Variants in OPHN1 observed in about 807,000 individuals in gnomAD.
OPHN1 encodes oligophrenin-1.
A neutral mutation model predicts 60.7 loss-of-function variants in OPHN1; 11 were observed. The observed-to-expected ratio is 0.18, with a 90% CI of 0.11 to 0.30. The LOEUF is 0.30. Ranked by LOEUF, OPHN1 falls within the 10% of genes least tolerant of loss-of-function variation. The pLI is 1.00. For missense variants in OPHN1, 449 were observed against 611.0 expected, an observed-to-expected ratio of 0.73 and a Z score of 2.80; for synonymous variants, 226 against 222.6, an observed-to-expected ratio of 1.02 and a Z score of -0.14.
Position 68,045,622 on chromosome X carries a change from A to G in OPHN1, c.*1550T>C, listed in dbSNP as rs989339248. On this transcript the variant is annotated 3_prime_UTR_variant, in exon 25 of 25. Coordinates refer to ENST00000355520, the MANE Select transcript of OPHN1 (RefSeq NM_002547.3). Reference sequence around the variant, plus strand: ...GGCATCTGCATAGAAACAAGTACTGATGCTCTTTCCAGCAACTTCCCTTCA... The same window carrying G: ...GGCATCTGCATAGAAACAAGTACTGGTGCTCTTTCCAGCAACTTCCCTTCA... 5 of 112,072 alleles carry G rather than the reference A, an allele frequency of 4.5e-5. No homozygotes were observed. In the Admixed American group the frequency reaches 4.7e-4, roughly 11 times the overall value. The allele number at this position is 112,072 out of a possible 1,213,427, so 9.2% of individuals were successfully genotyped here.
intron 2 of OPHN1, among the ~76,000 whole-genome samples, chrX:68,317,368 AAAGAAAGAAAGGAAGG>A (rs1427521556): frequency 7.4e-5 from 5 of 67,257 alleles, no homozygotes; most frequent in South Asian, 1.5e-3. Flanking sequence ...AGAAAGAAAG[AAAGAAAGAAAGGAAGG>A]AAGGAAGGAA....
chrX:68,233,126 C>T (rs1211310020), intron 6 of OPHN1, among the ~76,000 whole-genome samples: 3 of 111,224 alleles, frequency 2.7e-5, no homozygotes, highest in Admixed American at 1.9e-4. Flanking sequence ...TGGGGTTTTG[C>T]CATGTTGGCC....
intron 2 of OPHN1, among the ~76,000 whole-genome samples, chrX:68,319,512 G>T (rs1463461650): frequency 2.7e-5 from 3 of 111,015 alleles, no homozygotes; most frequent in African/African-American, 9.8e-5. Context: ...GAGGCAGGTG[G>T]ATCACTTGAG....
At chrX:68,218,560 A>C (rs1360171474) in intron 6 of OPHN1, among the ~76,000 whole-genome samples, 6 of 110,979 alleles carry the variant, frequency 5.4e-5, no homozygotes, top group African/African-American at 2.0e-4. Flanking sequence ...AGGGAAGCCC[A>C]TCAGACTAAC....
chrX:68,135,271 G>C (rs1411548505), intron 15 of OPHN1, among the ~76,000 whole-genome samples: 1 of 108,565 alleles, frequency 9.2e-6, no homozygotes, highest in East Asian at 2.8e-4. Flanking sequence ...GTGTTAACAA[G>C]CTTAGTTGCA....
At chrX:68,274,416 T>G (rs2077983316) in intron 5 of OPHN1, among the ~76,000 whole-genome samples, 2 of 111,772 alleles carry the variant, frequency 1.8e-5, no homozygotes, top group Admixed American at 1.9e-4. Context: ...AAGAAACTTA[T>G]GCACAGATAC....
intron 2 of OPHN1, among the ~76,000 whole-genome samples, chrX:68,405,537 G>A (rs975228826): frequency 5.4e-5 from 6 of 111,049 alleles, no homozygotes; most frequent in African/African-American, 2.0e-4. Context: ...GCTTGGCACA[G>A]CCACACTCCT....
chrX:68,070,902 T>C lies in OPHN1; in HGVS notation c.1834+2250A>G, dbSNP rs183456030. ...GGCCAGTCTTGGCATTCTCATCAAA[T>C]TTCTCAGCAGTGACAAAGTCAATAG... is the stretch of plus-strand genomic sequence containing the variant. On this transcript the variant is annotated intron_variant, in intron 20 of 24. Transcript: ENST00000355520. 2.5e-3 allele frequency: 2,840 copies of C among 1,158,029 alleles called. 8 individuals carry two copies. The highest frequency in any genetic ancestry group is 2.4e-3 in the Non-Finnish European group (2,008 of 849,432).
chrX:68,342,113 G>GT lies in OPHN1; in HGVS notation c.155-43018dup, dbSNP rs758111473. 1.7e-3 allele frequency among the ~76,000 whole-genome samples: 182 copies of GT among 107,792 alleles called. 1 individual carries two copies. The highest frequency in any genetic ancestry group is 5.9e-3 in the African/African-American group (175 of 29,708). 93.6% of individuals were successfully genotyped at this position (107,792 alleles called of 115,157 possible). ...GGCTCCTGAATAGCTGGGACCACAG[G>GT]TGTGCACCACCATGCCCGGCTGATT... On this transcript the variant is annotated intron_variant, in intron 2 of 24. Coordinates refer to ENST00000355520, the MANE Select transcript of OPHN1 (RefSeq NM_002547.3).
chrX:68,236,680 A>G (rs1288821380), intron 5 of OPHN1, among the ~76,000 whole-genome samples: 1 of 111,966 alleles, frequency 8.9e-6, no homozygotes, highest in Non-Finnish European at 1.9e-5. Flanking sequence ...TCTTAAACTT[A>G]CATAATGTTT....
upstream of OPHN1, chrX:68,433,841 TG>T (rs1344979129): frequency 1.4e-5 from 4 of 295,155 alleles, no homozygotes; most frequent in African/African-American, 1.1e-4. Context: ...CTACGGAAAC[TG>T]GGGAGCAGTC....
intron 15 of OPHN1, among the ~76,000 whole-genome samples, chrX:68,156,355 TA>T (rs1378497193): frequency 3.7e-5 from 3 of 82,122 alleles, no homozygotes; most frequent in Non-Finnish European, 4.9e-5. Flanking sequence ...AAAAAAAAGA[TA>T]AAAAAAGAAA....
At chrX:68,186,346 G>A (rs2077462378) in intron 15 of OPHN1, among the ~76,000 whole-genome samples, 1 of 110,491 alleles carries the variant, frequency 9.1e-6, no homozygotes, top group African/African-American at 3.3e-5. Context: ...CTCAAAATGG[G>A]GGCTCTGGGG....
intron 19 of OPHN1, among the ~76,000 whole-genome samples, chrX:68,089,473 G>C (rs12008766): frequency 0.23 from 25,146 of 111,089 alleles, 2,272 homozygotes; most frequent in Middle Eastern, 0.3. Flanking sequence ...TTACCTGTAA[G>C]TAAATACTAC....
chrX:68,426,198 T>G lies in OPHN1; in HGVS notation c.154+6669A>C, dbSNP rs761833846. Reference sequence around the variant, plus strand: ...TCTCACGCCTGTAATCCCAGCACTTTGGGAGGCCGAGATGGGTGGATCACT... The same window carrying G: ...TCTCACGCCTGTAATCCCAGCACTTGGGGAGGCCGAGATGGGTGGATCACT... On this transcript the variant is annotated intron_variant, in intron 2 of 24. Coordinates refer to ENST00000355520, the MANE Select transcript of OPHN1 (RefSeq NM_002547.3). 2.1e-4 allele frequency among the ~76,000 whole-genome samples: 23 copies of G among 111,104 alleles called. No homozygotes were observed. In the East Asian group the frequency reaches 3.2e-3, roughly 16 times the overall value.
intron 19 of OPHN1, among the ~76,000 whole-genome samples, chrX:68,083,054 CTTTTTTTTTTT>C (rs869083899): frequency 8.0e-5 from 3 of 37,455 alleles, no homozygotes; most frequent in Admixed American, 4.9e-4. Flanking sequence ...CTGCTAGTTT[CTTTTTTTTTTT>C]TTTTTTTTTT....
intron 2 of OPHN1, among the ~76,000 whole-genome samples, chrX:68,401,718 T>G (rs998446023): frequency 4.5e-5 from 5 of 111,265 alleles, no homozygotes. Flanking sequence ...AAGGTAAGAT[T>G]TGAGATGGGC....
intron 20 of OPHN1, chrX:68,070,690 C>T (rs942998293): frequency 9.6e-7 from 1 of 1,038,767 alleles, no homozygotes; most frequent in East Asian, 3.0e-5. Context: ...CTAGAAGTGG[C>T]TTTCACCACC....
chrX:68,118,427 C>T (rs2077136605), intron 16 of OPHN1, among the ~76,000 whole-genome samples: 1 of 111,675 alleles, frequency 9.0e-6, no homozygotes, highest in South Asian at 3.8e-4. Flanking sequence ...TAAGATGATG[C>T]TACAGTAGCA....
Sources: allele counts gnomAD v4.1 joint callset (sites outside exome capture counted in the v4.1 genomes callset), GRCh38; gene constraint gnomAD v4.1.1; transcripts MANE v1.5; gene names NCBI Gene and HGNC (gene_info 2026-07-23, HGNC 2026-07-21).